DAB1: variants seen among roughly 807,000 people sequenced by gnomAD.
DAB1 encodes the protein DAB adaptor protein 1.
DAB1 carries 15 observed loss-of-function variants against 64.6 expected under a neutral mutation model. The ratio of observed to expected loss-of-function variants is 0.23; its 90% confidence interval spans 0.16 to 0.36. The LOEUF (loss-of-function observed/expected upper bound fraction) is 0.36. Ranked by LOEUF, DAB1 falls within the 10% of genes least tolerant of loss-of-function variation. The probability of loss-of-function intolerance (pLI) is 1.00; values close to 1 mark genes in which losing one functional copy is unlikely to be tolerated. For synonymous variants in DAB1, 235 were observed against 251.9 expected, an observed-to-expected ratio of 0.93 and a Z score of 0.64; for missense variants, 596 against 706.7, an observed-to-expected ratio of 0.84 and a Z score of 1.78.
intron 3 of DAB1, among the ~76,000 whole-genome samples, chr1:58,410,818 C>G (rs1644660445): frequency 6.6e-6 from 1 of 152,118 alleles, no homozygotes; most frequent in African/African-American, 2.4e-5. Context: ...TGCTGTCCTC[C>G]TTCCCAATCC....
At chr1:57,568,088 A>T (rs1288644008) in intron 7 of DAB1, among the ~76,000 whole-genome samples, 2 of 152,190 alleles carry the variant, frequency 1.3e-5, no homozygotes, top group Non-Finnish European at 2.9e-5. Context: ...ATATAGACCA[A>T]TGGAACAGAA....
chr1:58,537,264 T>A (rs1003951370), intron 1 of DAB1, among the ~76,000 whole-genome samples: 1 of 152,112 alleles, frequency 6.6e-6, no homozygotes, highest in African/African-American at 2.4e-5. Flanking sequence ...CCTAAATAAT[T>A]ATGTAAGAGG....
intron 7 of DAB1, among the ~76,000 whole-genome samples, chr1:57,521,845 C>T (rs556394771): frequency 2.2e-4 from 33 of 152,258 alleles, no homozygotes; most frequent in African/African-American, 7.5e-4. Context: ...CGTGGTGGCT[C>T]ATGCCTGTAA....
At chr1:58,523,282 G>A (rs913403551) in intron 2 of DAB1, among the ~76,000 whole-genome samples, 3 of 152,082 alleles carry the variant, frequency 2.0e-5, no homozygotes, top group South Asian at 2.1e-4. Flanking sequence ...GTGTGGTCAC[G>A]CACAACATCT....
At chr1:57,452,166 C>CTCCT (rs1686403338) in intron 7 of DAB1, among the ~76,000 whole-genome samples, 1 of 75,010 alleles carries the variant, frequency 1.3e-5, no homozygotes, top group African/African-American at 6.1e-5. Context: ...TGCACCCCCC[C>CTCCT]TTTTTTTTTT....
intron 2 of DAB1, among the ~76,000 whole-genome samples, chr1:57,255,489 C>G (rs182176331): frequency 4.6e-5 from 7 of 152,132 alleles, no homozygotes; most frequent in Non-Finnish European, 8.8e-5. Context: ...TGGCAAAACC[C>G]TGTACCAAAA....
intron 3 of DAB1, among the ~76,000 whole-genome samples, chr1:58,441,805 G>A (rs1159469965): frequency 6.6e-6 from 1 of 152,152 alleles, no homozygotes; most frequent in African/African-American, 2.4e-5. Context: ...ATGTACTTAC[G>A]AAATCCTCCT....
At chr1:58,136,563 C>T (rs565199495) in intron 5 of DAB1, among the ~76,000 whole-genome samples, 1 of 152,328 alleles carries the variant, frequency 6.6e-6, no homozygotes, top group East Asian at 1.9e-4. Context: ...CAAAGCTTCA[C>T]ATTTGCATTT....
intron 3 of DAB1, among the ~76,000 whole-genome samples, chr1:58,416,126 A>G (rs1225071565): frequency 1.3e-5 from 2 of 152,180 alleles, no homozygotes; most frequent in Non-Finnish European, 2.9e-5. Context: ...AAGGAAATGC[A>G]TCTTAGAGAA....
rs1338284861 is a variant in DAB1, at chr1:57,554,476, T to C, written n.625+95116A>G. Among the ~76,000 whole-genome samples, 3 of 152,148 alleles carry C rather than the reference T, an allele frequency of 2.0e-5. No homozygotes were observed. In the South Asian group the frequency reaches 6.2e-4, roughly 32 times the overall value. On this transcript the variant is annotated intron_variant and non_coding_transcript_variant, in intron 7 of 20. Coordinates refer to the DAB1 transcript ENST00000485760. The stretch of plus-strand genomic sequence containing the variant: ...GTAAATGCTCAATACACTAACTTGT[T>C]TGTGTTGTTTTTGTCATGGATATTA...
At chr1:57,440,993 A>C (rs2101132736) in intron 7 of DAB1, among the ~76,000 whole-genome samples, 1 of 152,248 alleles carries the variant, frequency 6.6e-6, no homozygotes, top group South Asian at 2.1e-4. Flanking sequence ...AGGACCCAAT[A>C]AGTGGCTTAT....
chr1:57,106,161 T>C (rs1310336055), intron 4 of DAB1, among the ~76,000 whole-genome samples: 1 of 152,216 alleles, frequency 6.6e-6, no homozygotes, highest in East Asian at 1.9e-4. Flanking sequence ...GTTAACCTTT[T>C]CTGAAACAGA....
intron 4 of DAB1, among the ~76,000 whole-genome samples, chr1:58,157,377 CATT>C (rs1214869020): frequency 3.3e-5 from 5 of 152,110 alleles, no homozygotes; most frequent in Non-Finnish European, 7.4e-5. Flanking sequence ...TGTGTGATAA[CATT>C]ATAATTTTGT....
At chr1:58,471,762 C>T (rs960572885) in intron 3 of DAB1, among the ~76,000 whole-genome samples, 6 of 152,162 alleles carry the variant, frequency 3.9e-5, no homozygotes, top group African/African-American at 1.4e-4. Flanking sequence ...CCCCACCCCT[C>T]CTGCTCCTGC....
intron 5 of DAB1, among the ~76,000 whole-genome samples, chr1:58,004,598 C>T (rs1394871222): frequency 1.3e-5 from 2 of 152,194 alleles, no homozygotes; most frequent in African/African-American, 4.8e-5. Flanking sequence ...GTTGCTTAAC[C>T]TCTGAGCCTC....
At chr1:57,530,200 A>G (rs1352912826) in intron 7 of DAB1, among the ~76,000 whole-genome samples, 1 of 152,190 alleles carries the variant, frequency 6.6e-6, no homozygotes, top group Non-Finnish European at 1.5e-5. Context: ...ATTACTATTA[A>G]AATTTACTTT....
intron 7 of DAB1, among the ~76,000 whole-genome samples, chr1:57,518,235 C>G (rs754140319): frequency 4.7e-4 from 71 of 152,162 alleles, no homozygotes; most frequent in Non-Finnish European, 9.0e-4. Flanking sequence ...TTTACTGATT[C>G]TCAATGATCT....
intron 6 of DAB1, among the ~76,000 whole-genome samples, chr1:57,686,850 C>A (rs577963763): frequency 6.6e-6 from 1 of 152,236 alleles, no homozygotes; most frequent in East Asian, 1.9e-4. Flanking sequence ...ATCCAACATC[C>A]TTTTTTATAA....
At chr1:57,146,984 T>C (rs894456377) in intron 2 of DAB1, among the ~76,000 whole-genome samples, 4 of 152,048 alleles carry the variant, frequency 2.6e-5, no homozygotes, top group South Asian at 2.1e-4. Context: ...GTGTGAAGTA[T>C]GTATTTACAT....
Sources: allele counts gnomAD v4.1 joint callset (sites outside exome capture counted in the v4.1 genomes callset), GRCh38; gene constraint gnomAD v4.1.1; transcripts MANE v1.5; gene names NCBI Gene and HGNC (gene_info 2026-07-23, HGNC 2026-07-21).